The following SLC9A9 variants were observed in gnomAD, a reference collection of about 807,000 sequenced individuals.
The protein encoded by SLC9A9 is solute carrier family 9 member A9.
In SLC9A9, 62 loss-of-function variants were observed where a neutral mutation model predicts 77.8. The ratio of observed to expected loss-of-function variants is 0.80; its 90% CI spans 0.65 to 0.98. SLC9A9 has a LOEUF of 0.98. SLC9A9 is among the 50% of genes least tolerant of loss of function. The pLI, the probability that SLC9A9 is intolerant of heterozygous loss-of-function variation, is 0.00. For synonymous variants in SLC9A9, 320 were observed against 283.5 expected (o/e 1.13, Z -1.29); for missense variants, 775 against 774.9 (o/e 1.00, Z 0.00).
chr3:143,388,773 T>G (rs1576464387), intron 12 of SLC9A9, among the ~76,000 whole-genome samples: 1 of 152,264 alleles, frequency 6.6e-6, no homozygotes, highest in South Asian at 2.1e-4. Context: ...ACCCAAGATC[T>G]AATGGGAAAA....
At chr3:143,401,318 T>C (rs2033855299) in intron 12 of SLC9A9, among the ~76,000 whole-genome samples, 1 of 152,108 alleles carries the variant, frequency 6.6e-6, no homozygotes, top group Non-Finnish European at 1.5e-5. Context: ...CCCATTTGGG[T>C]ATAGGGTGGT....
At chr3:143,422,141 A>C (rs2034311218) in intron 12 of SLC9A9, among the ~76,000 whole-genome samples, 1 of 152,216 alleles carries the variant, frequency 6.6e-6, no homozygotes, top group Non-Finnish European at 1.5e-5. Context: ...CATACACTGT[A>C]GATGGGAATG....
chr3:143,723,096 G>A (rs1263602891), intron 4 of SLC9A9, among the ~76,000 whole-genome samples: 2 of 152,086 alleles, frequency 1.3e-5, no homozygotes, highest in Non-Finnish European at 2.9e-5. Context: ...GGCTGATTTA[G>A]TTCTGGTACC....
At chr3:143,473,485 A>G (rs2035413713) in intron 11 of SLC9A9, among the ~76,000 whole-genome samples, 1 of 152,210 alleles carries the variant, frequency 6.6e-6, no homozygotes, top group South Asian at 2.1e-4. Context: ...TGGCCTCACC[A>G]TTAATTTCTT....
At chr3:143,390,336 G>A (rs1056099808) in intron 12 of SLC9A9, among the ~76,000 whole-genome samples, 2 of 152,212 alleles carry the variant, frequency 1.3e-5, no homozygotes, top group African/African-American at 4.8e-5. Context: ...TAGACATTCT[G>A]AACGGCTGTT....
chr3:143,688,691 T>C (rs942331681), intron 5 of SLC9A9, among the ~76,000 whole-genome samples: 23 of 152,074 alleles, frequency 1.5e-4, no homozygotes. Context: ...AGTCTATCCC[T>C]GTATACCACT....
chr3:143,526,327 C>A (rs929178904), intron 9 of SLC9A9, among the ~76,000 whole-genome samples: 2 of 152,218 alleles, frequency 1.3e-5, no homozygotes, highest in African/African-American at 4.8e-5. Context: ...ATGTGTGTCA[C>A]AGCCATGAGG....
intron 6 of SLC9A9, among the ~76,000 whole-genome samples, chr3:143,607,725 G>A (rs934179618): frequency 7.3e-5 from 11 of 151,260 alleles, no homozygotes; most frequent in Non-Finnish European, 1.6e-4. Flanking sequence ...AACAAAATCA[G>A]GAAAGAGGAA....
chr3:143,582,655 A>C (rs977205348), intron 6 of SLC9A9, among the ~76,000 whole-genome samples: 2 of 152,156 alleles, frequency 1.3e-5, no homozygotes, highest in African/African-American at 4.8e-5. Context: ...GTGGGGCTAA[A>C]ATGTTCTCAT....
intron 14 of SLC9A9, among the ~76,000 whole-genome samples, chr3:143,353,614 T>TA (rs990778757): frequency 6.0e-4 from 92 of 152,218 alleles, no homozygotes; most frequent in African/African-American, 2.1e-3. Context: ...CTGAACAAAC[T>TA]AAAAAAACAC....
At chr3:143,716,274 A>G (rs368074534) in intron 4 of SLC9A9, among the ~76,000 whole-genome samples, 3 of 151,832 alleles carry the variant, frequency 2.0e-5, no homozygotes, top group East Asian at 3.9e-4. Flanking sequence ...GGGTCTCCCT[A>G]TGTTGTCTGA....
chr3:143,397,882 C>T (rs1007244346), intron 12 of SLC9A9, among the ~76,000 whole-genome samples: 2 of 152,114 alleles, frequency 1.3e-5, no homozygotes, highest in Non-Finnish European at 2.9e-5. Context: ...GGGGGGAATG[C>T]ATAGAACATA....
intron 14 of SLC9A9, among the ~76,000 whole-genome samples, chr3:143,309,382 C>T (rs2030932699): frequency 1.4e-5 from 2 of 144,756 alleles, no homozygotes; most frequent in South Asian, 4.4e-4. Context: ...TGCAATTATT[C>T]TTTGAGTAAT....
intron 4 of SLC9A9, among the ~76,000 whole-genome samples, chr3:143,759,745 T>G (rs753630825): frequency 6.6e-6 from 1 of 152,016 alleles, no homozygotes; most frequent in Non-Finnish European, 1.5e-5. Context: ...GGTTTCTATC[T>G]CCCCATATTT....
chr3:143,684,134 C>A (rs550015074), intron 5 of SLC9A9, among the ~76,000 whole-genome samples: 124 of 152,116 alleles, frequency 8.2e-4, no homozygotes, highest in Middle Eastern at 6.8e-3. Context: ...TCCCACACCA[C>A]GAACAGTGTT....
chr3:143,566,376 C>T (rs1366723875), intron 8 of SLC9A9, among the ~76,000 whole-genome samples: 1 of 152,130 alleles, frequency 6.6e-6, no homozygotes, highest in Non-Finnish European at 1.5e-5. Context: ...GTAAACACAA[C>T]TTGCATGTGC....
chr3:143,444,167 C>A (rs956013382), intron 12 of SLC9A9, among the ~76,000 whole-genome samples: 11 of 152,164 alleles, frequency 7.2e-5, no homozygotes, highest in African/African-American at 2.4e-4. Flanking sequence ...GCTTCAACTG[C>A]ATTTATAAAT....
intron 14 of SLC9A9, among the ~76,000 whole-genome samples, chr3:143,338,442 A>AGAGGGAGGGAGAAAAGCAGT (rs2031990415): frequency 6.6e-6 from 1 of 152,318 alleles, no homozygotes; most frequent in East Asian, 1.9e-4. Context: ...ATGGAGAGAA[A>AGAGGGAGGGAGAAAAGCAGT]GAGGGAGGGA....
At chr3:143,807,396 C>A (rs1415098254) in intron 2 of SLC9A9, among the ~76,000 whole-genome samples, 3 of 152,202 alleles carry the variant, frequency 2.0e-5, no homozygotes, top group Non-Finnish European at 4.4e-5. Context: ...GTGGAGTGGG[C>A]AAAGGCCATA....
Sources: allele counts gnomAD v4.1 joint callset (sites outside exome capture counted in the v4.1 genomes callset), GRCh38; gene constraint gnomAD v4.1.1; transcripts MANE v1.5; gene names NCBI Gene and HGNC (gene_info 2026-07-23, HGNC 2026-07-21).